The following SYNE3 variants were observed in gnomAD, a reference collection of about 807,000 sequenced individuals.
The protein encoded by SYNE3 is nesprin-3.
In SYNE3, 100 loss-of-function variants were observed where a neutral mutation model predicts 111.2. The ratio of observed to expected loss-of-function variants is 0.90; its 90% CI spans 0.77 to 1.06. The LOEUF (loss-of-function observed/expected upper bound fraction) is 1.06, where lower values mean the gene tolerates loss of function less well. Among genes scored for constraint, SYNE3 ranks in the 50% least tolerant of loss-of-function variants. The probability of loss-of-function intolerance (pLI) is 0.00; values close to 1 mark genes in which losing one functional copy is unlikely to be tolerated. For missense variants in SYNE3, 1,160 were observed against 1,240.3 expected (o/e 0.94, Z 0.97); for synonymous variants, 547 against 533.9 (o/e 1.02, Z -0.34).
chr14:95,407,776 GACACACACACACAC>G lies in SYNE3; in HGVS notation c.*10036_*10049del, dbSNP rs773545530. 1.4e-5 allele frequency: 2 copies of G among 148,132 alleles called. No homozygotes were observed. The highest frequency in any genetic ancestry group is 4.0e-4 in the East Asian group (2 of 5,014). The allele number at this position is 148,132 out of a possible 1,614,324, so 9.2% of individuals were successfully genotyped here. ...ACGCATACACAAACACACACACACAGACACACACACACACACACACACACCCCATGCCATTGCTT... is the reference window on the plus strand; with the variant it reads ...ACGCATACACAAACACACACACACAGACACACACACCCCATGCCATTGCTT... On this transcript the variant is annotated 3_prime_UTR_variant, in exon 18 of 18. Coordinates refer to ENST00000682763, the MANE Select transcript of SYNE3 (RefSeq NM_152592.6).
At chr14:95,464,523 AAC>A (rs1202220417) in intron 4 of SYNE3, among the ~76,000 whole-genome samples, 7 of 152,262 alleles carry the variant, frequency 4.6e-5, no homozygotes, top group African/African-American at 1.7e-4. Flanking sequence ...CCTAAAAACA[AAC>A]AAACAAAAAA....
At chr14:95,430,982 T>C (rs576587410) in intron 17 of SYNE3, among the ~76,000 whole-genome samples, 1 of 152,342 alleles carries the variant, frequency 6.6e-6, no homozygotes, top group Non-Finnish European at 1.5e-5. Context: ...CACTCTCCTA[T>C]AGATGTTACT....
chr14:95,440,216 C>T, intron 11 of SYNE3, 141 bp from the exon 12 acceptor site: 1 of 901,004 alleles, frequency 1.1e-6, no homozygotes, highest in Non-Finnish European at 1.7e-6. Context: ...AGAGGCTGGG[C>T]TGGCCCTTCC....
chr14:95,452,526 C>A, intron 6 of SYNE3, 143 bp from the exon 7 acceptor site: 2 of 1,024,676 alleles, frequency 2.0e-6, no homozygotes, highest in Non-Finnish European at 2.7e-6. Flanking sequence ...GGGCCCCACT[C>A]TTGAGCTCAG....
chr14:95,415,006 A>G lies in SYNE3; in HGVS notation c.*2820T>C, dbSNP rs1903534095. On this transcript the variant is annotated 3_prime_UTR_variant, in exon 18 of 18. Transcript: ENST00000682763. ...CAAAATTTAAAAAATATAGGTAGAT[A>G]TTCCCACCCCCGCCCGCATGTTCCA... 6.6e-6 allele frequency: 1 copy of G among 152,104 alleles called. No individual in the cohort carries two copies. The highest frequency in any genetic ancestry group is 1.5e-5 in the Non-Finnish European group (1 of 67,998). The allele number at this position is 152,104 out of a possible 1,614,324, so 9.4% of individuals were successfully genotyped here. A position where few individuals can be genotyped will look rare whatever the true frequency, so the allele number is the denominator to read the frequency against.
chr14:95,510,208 T>C (rs1890673316), intron 1 of SYNE3, among the ~76,000 whole-genome samples: 3 of 151,970 alleles, frequency 2.0e-5, no homozygotes, highest in Admixed American at 1.3e-4. Context: ...CATGGGGAGG[T>C]ATCACCAACC....
At chr14:95,464,035 C>T (rs189364614) in intron 4 of SYNE3, among the ~76,000 whole-genome samples, 6 of 152,346 alleles carry the variant, frequency 3.9e-5, no homozygotes, top group Non-Finnish European at 5.9e-5. Flanking sequence ...GGCCTGGAAT[C>T]CAAGTCCCTT....
chr14:95,415,357 C>G lies in SYNE3; in HGVS notation c.*2469G>C, dbSNP rs1209910. 0.34 allele frequency: 51,484 copies of G among 149,728 alleles called. 9,504 individuals are homozygous for G. Among genetic ancestry groups the G allele is most frequent in the Non-Finnish European group, 0.41 (27,844 of 67,522 alleles). The allele number at this position is 149,728 out of a possible 1,614,324, so 9.3% of individuals were successfully genotyped here. ...CTTGGCTGCCTGGGCTCACTCAGCTCCTGATTTTCCAGTAAGGTGGTCGCC... is the reference window on the plus strand; with the variant it reads ...CTTGGCTGCCTGGGCTCACTCAGCTGCTGATTTTCCAGTAAGGTGGTCGCC... On this transcript the variant is annotated 3_prime_UTR_variant, in exon 18 of 18. Coordinates refer to ENST00000682763, the MANE Select transcript of SYNE3 (RefSeq NM_152592.6).
chr14:95,508,045 A>G (rs1355418447), intron 1 of SYNE3, among the ~76,000 whole-genome samples: 1 of 151,948 alleles, frequency 6.6e-6, no homozygotes, highest in Non-Finnish European at 1.5e-5. Context: ...AGGCTGAGTG[A>G]CTCACCACTT....
intron 10 of SYNE3, 58 bp from the exon 11 acceptor site, chr14:95,443,347 G>A (rs1016389105): frequency 1.9e-6 from 3 of 1,602,844 alleles, no homozygotes; most frequent in South Asian, 1.1e-5. Context: ...CCCTTGGGGT[G>A]GCCGATCAGG....
intron 4 of SYNE3, among the ~76,000 whole-genome samples, chr14:95,461,195 T>G (rs1487145670): frequency 6.6e-6 from 1 of 152,198 alleles, no homozygotes; most frequent in East Asian, 1.9e-4. Context: ...GGTGCGGATT[T>G]ATGCCTCTGC....
chr14:95,438,416 G>A (rs1402681168), intron 14 of SYNE3: 1 of 152,908 alleles, frequency 6.5e-6, no homozygotes. Context: ...ACAAGGCTGT[G>A]TGCCCACTGA....
At chr14:95,444,773 G>A in intron 9 of SYNE3, 145 bp from the exon 10 acceptor site, 1 of 1,030,388 alleles carries the variant, frequency 9.7e-7, no homozygotes, top group Non-Finnish European at 1.3e-6. Context: ...AGCCTTCCCT[G>A]AGCCCTGATG....
intron 15 of SYNE3, among the ~76,000 whole-genome samples, chr14:95,436,609 G>T (rs1219659750): frequency 6.6e-6 from 1 of 152,208 alleles, no homozygotes; most frequent in African/African-American, 2.4e-5. Flanking sequence ...TTTCCAAGTA[G>T]GGAACTACAT....
chr14:95,450,499 A>G (rs1887006129), intron 7 of SYNE3: 2 of 173,422 alleles, frequency 1.2e-5, no homozygotes, highest in South Asian at 3.1e-4. Context: ...ACATAGCAAG[A>G]CCCCATCCCC....
intron 1 of SYNE3, among the ~76,000 whole-genome samples, chr14:95,482,028 T>A (rs1889289846): frequency 1.3e-5 from 2 of 152,228 alleles, no homozygotes; most frequent in South Asian, 4.1e-4. Context: ...CTCAGGGTGC[T>A]GGGTGGGGCC....
intron 1 of SYNE3, among the ~76,000 whole-genome samples, chr14:95,501,513 C>A (rs1890334064): frequency 6.6e-6 from 1 of 152,210 alleles, no homozygotes; most frequent in Non-Finnish European, 1.5e-5. Context: ...AAGCTGGAGA[C>A]CTGCCCTCGA....
intron 4 of SYNE3, among the ~76,000 whole-genome samples, chr14:95,459,113 G>A (rs1034925858): frequency 2.6e-5 from 4 of 152,294 alleles, no homozygotes; most frequent in South Asian, 2.1e-4. Flanking sequence ...CTACTCCACC[G>A]CCAGCATGCA....
intron 1 of SYNE3, among the ~76,000 whole-genome samples, chr14:95,510,946 A>G (rs1314841837): frequency 6.6e-6 from 1 of 152,250 alleles, no homozygotes; most frequent in Admixed American, 6.5e-5. Flanking sequence ...ACAGCTGGAA[A>G]GCCATCACCC....
Sources: gnomAD v4.1 joint callset for allele counts (sites outside exome capture counted in the v4.1 genomes callset) on GRCh38, gnomAD v4.1.1 for gene constraint, MANE v1.5 for transcripts, NCBI Gene and HGNC (gene_info 2026-07-23, HGNC 2026-07-21) for gene names.